The following RASSF8 variants were observed in gnomAD, a reference collection of about 807,000 sequenced individuals.
RASSF8 encodes Ras association domain family member 8, also known as ras association domain-containing protein 8.
In RASSF8, 22 loss-of-function variants were observed where a neutral mutation model predicts 48.5. That is an observed-to-expected ratio of 0.45 (90% CI 0.32 to 0.65). RASSF8 has a LOEUF of 0.65. RASSF8 is among the 30% of genes least tolerant of loss of function. The pLI is 0.03. For synonymous variants in RASSF8, 127 were observed against 171.5 expected (o/e 0.74, Z 2.03); for missense variants, 418 against 489.2 (o/e 0.85, Z 1.37).
intron 2 of RASSF8, among the ~76,000 whole-genome samples, chr12:26,023,562 G>T (rs1942835616): frequency 6.6e-6 from 1 of 152,026 alleles, no homozygotes; most frequent in African/African-American, 2.4e-5. Flanking sequence ...GAACTTGAGA[G>T]AATTTGTTGT....
chr12:25,963,288 C>T (rs1941280014), intron 1 of RASSF8, among the ~76,000 whole-genome samples: 1 of 127,784 alleles, frequency 7.8e-6, no homozygotes. Context: ...AAGTTCTTTT[C>T]TTCTCTCTCA....
chr12:26,073,730 A>ACT (rs1555171917), downstream of RASSF8, among the ~76,000 whole-genome samples: 316 of 138,100 alleles, frequency 2.3e-3, 3 homozygotes, highest in African/African-American at 6.7e-3. Flanking sequence ...CAAAAGCGAG[A>ACT]CTCTCTCTCT....
chr12:26,019,585 GTGTGTGTGTGTGTGTGTGTC>G (rs1942738975), intron 2 of RASSF8, among the ~76,000 whole-genome samples: 1 of 151,004 alleles, frequency 6.6e-6, no homozygotes. Context: ...GTGTGTGTGT[GTGTGTGTGTGTGTGTGTGTC>G]TGTGTGTGTC....
chr12:26,010,792 A>G (rs1240008537), intron 2 of RASSF8, among the ~76,000 whole-genome samples: 1 of 152,064 alleles, frequency 6.6e-6, no homozygotes, highest in Non-Finnish European at 1.5e-5. Flanking sequence ...GGGCCTTTGC[A>G]CAACTGAGGG....
downstream of RASSF8, among the ~76,000 whole-genome samples, chr12:26,077,069 A>C (rs1944079206): frequency 6.6e-6 from 1 of 152,190 alleles, no homozygotes; most frequent in Non-Finnish European, 1.5e-5. Context: ...TCTTCTTTTG[A>C]GAAGTGTCTG....
intron 2 of RASSF8, among the ~76,000 whole-genome samples, chr12:25,996,222 T>C (rs1191018535): frequency 6.6e-6 from 1 of 152,218 alleles, no homozygotes; most frequent in Admixed American, 6.5e-5. Context: ...AAAAAGCCTA[T>C]TCAGACCCTA....
chr12:26,045,609 T>G (rs1391907587), intron 2 of RASSF8, among the ~76,000 whole-genome samples: 2 of 152,230 alleles, frequency 1.3e-5, no homozygotes, highest in Non-Finnish European at 2.9e-5. Context: ...GACAATGTTT[T>G]GTTGAAAAGT....
At chr12:25,971,305 C>T (rs913091836) in intron 1 of RASSF8, among the ~76,000 whole-genome samples, 1 of 152,218 alleles carries the variant, frequency 6.6e-6, no homozygotes, top group African/African-American at 2.4e-5. Context: ...TGGGGAGCCC[C>T]TCAGTAGCCC....
chr12:26,055,449 G>A lies in RASSF8; in HGVS notation c.103+3G>A, dbSNP rs1943581152. 1 of 1,608,172 alleles carries A rather than the reference G, an allele frequency of 6.2e-7. No homozygotes were observed. Among genetic ancestry groups the A allele is most frequent in the African/African-American group, 1.3e-5 (1 of 74,796 alleles). On this transcript the variant is annotated splice_donor_region_variant and intron_variant, in intron 3 of 5. Coordinates refer to ENST00000689635, the MANE Select transcript of RASSF8 (RefSeq NM_001394098.1). ...CATAGCCTTAGCTCAAGCAATAGGT[G>A]AGTGAACTCTGTGGGTATCTGAGAA...
chr12:26,072,917 A>G, downstream of RASSF8: 1 of 753,612 alleles, frequency 1.3e-6, no homozygotes. Context: ...TTTAAATACA[A>G]TTTTACTTCC....
In RASSF8 at chr12:26,078,049, TGAG is replaced by T. The variant is rs1944086768; in HGVS notation, c.1139-979_1139-977del. ...CTGAGTAAATCCGGGAAGACTCTGATGAGGAGGTGAATTAGGCTTTTGAAGAGT... is the reference window on the plus strand; with the variant it reads ...CTGAGTAAATCCGGGAAGACTCTGATGAGGTGAATTAGGCTTTTGAAGAGT... On this transcript the variant is annotated intron_variant, in intron 5 of 5. Coordinates refer to the RASSF8 transcript ENST00000381352. Among the ~76,000 whole-genome samples the T allele has an allele frequency of 2.6e-5, 4 of 152,194 alleles. No homozygotes were observed. The South Asian group carries it at 8.3e-4, about 32-fold the overall frequency.
intron 2 of RASSF8, among the ~76,000 whole-genome samples, chr12:26,048,127 C>T (rs908704150): frequency 1.3e-5 from 2 of 152,150 alleles, no homozygotes. Context: ...GGCAATTGAG[C>T]CGGGTTGACT....
In RASSF8 at chr12:26,070,182, CTG is replaced by C. The variant is rs1943970061; in HGVS notation, c.*1366_*1367del. Reference sequence around the variant, plus strand: ...TTTAATTCTGAAGAAGTTACATCCTCTGTATTATTTACATGCAACAAAATAAA... The same window carrying C: ...TTTAATTCTGAAGAAGTTACATCCTCTATTATTTACATGCAACAAAATAAA... On this transcript the variant is annotated 3_prime_UTR_variant, in exon 6 of 6. Coordinates refer to ENST00000689635, the MANE Select transcript of RASSF8 (RefSeq NM_001394098.1). 1 of 960,468 alleles carries C rather than the reference CTG, an allele frequency of 1.0e-6. No homozygotes were observed. The highest frequency in any genetic ancestry group is 1.2e-6 in the Non-Finnish European group (1 of 807,284). The allele number at this position is 960,468 out of a possible 1,614,324, so 59.5% of individuals were successfully genotyped here.
At chr12:26,049,544 T>G (rs938689338) in intron 2 of RASSF8, among the ~76,000 whole-genome samples, 4 of 152,352 alleles carry the variant, frequency 2.6e-5, no homozygotes, top group East Asian at 1.9e-4. Flanking sequence ...CAATGCTGTT[T>G]TATGCACCGT....
At chr12:26,074,702 AG>A (rs1401331502), downstream of RASSF8, among the ~76,000 whole-genome samples, 1 of 152,082 alleles carries the variant, frequency 6.6e-6, no homozygotes, top group African/African-American at 2.4e-5. Flanking sequence ...GAACCACTAG[AG>A]GGGCAAGGAT....
In RASSF8 at chr12:26,071,783, G is replaced by A; in HGVS notation, c.*2965G>A. The A allele has an allele frequency of 1.0e-6, 1 of 980,398 alleles. No individual in the cohort carries two copies. Among genetic ancestry groups the A allele is most frequent in the Non-Finnish European group, 1.2e-6 (1 of 826,716 alleles). 60.7% of individuals were successfully genotyped at this position (980,398 alleles called of 1,614,324 possible). A position where few individuals can be genotyped will look rare whatever the true frequency, so the allele number is the denominator to read the frequency against. ...TAGTCATAAACAAGAGCTACAGCAA[G>A]ACTGATAGAGTAAAAACTATATAAA... On this transcript the variant is annotated 3_prime_UTR_variant, in exon 6 of 6. Transcript: ENST00000689635.
In RASSF8 at chr12:26,055,266, C is replaced by T. The variant is rs765619999; in HGVS notation, c.-78C>T. 61 of 1,163,122 alleles carry T rather than the reference C, an allele frequency of 5.2e-5. No homozygotes were observed. Among genetic ancestry groups the T allele is most frequent in the Non-Finnish European group, 6.5e-5 (50 of 769,838 alleles). The allele number at this position is 1,163,122 out of a possible 1,614,324, so 72.1% of individuals were successfully genotyped here. A position where few individuals can be genotyped will look rare whatever the true frequency, so the allele number is the denominator to read the frequency against. ...TACACAGACTTAGTCTTCTCCACTCCGTGTTCCTGCAGCTAGAGACATGAC... is the reference window on the plus strand; with the variant it reads ...TACACAGACTTAGTCTTCTCCACTCTGTGTTCCTGCAGCTAGAGACATGAC... On this transcript the variant is annotated 5_prime_UTR_variant, in exon 3 of 6. Coordinates refer to ENST00000689635, the MANE Select transcript of RASSF8 (RefSeq NM_001394098.1).
Position 26,072,084 on chromosome 12 carries a change from G to C in RASSF8, c.*3266G>C. The C allele has an allele frequency of 1.0e-6, 1 of 985,330 alleles. No individual in the cohort carries two copies. 61.0% of individuals were successfully genotyped at this position (985,330 alleles called of 1,614,324 possible). On this transcript the variant is annotated 3_prime_UTR_variant, in exon 6 of 6. Coordinates refer to ENST00000689635, the MANE Select transcript of RASSF8 (RefSeq NM_001394098.1). ...TGATTTCAGGCATGCAAAGTGCTTGGGCAGATGGACAGTTCCCATTGTGCA... is the reference window on the plus strand; with the variant it reads ...TGATTTCAGGCATGCAAAGTGCTTGCGCAGATGGACAGTTCCCATTGTGCA...
intron 2 of RASSF8, among the ~76,000 whole-genome samples, chr12:26,024,247 C>T (rs533050493): frequency 6.6e-6 from 1 of 152,190 alleles, no homozygotes; most frequent in South Asian, 2.1e-4. Context: ...GCAATCTTCC[C>T]ACCCCAGCCT....
Sources: allele counts gnomAD v4.1 joint callset (sites outside exome capture counted in the v4.1 genomes callset), GRCh38; gene constraint gnomAD v4.1.1; transcripts MANE v1.5; gene names NCBI Gene and HGNC (gene_info 2026-07-23, HGNC 2026-07-21).